PDE10A: variants seen among roughly 807,000 people sequenced by gnomAD.
PDE10A encodes cAMP and cAMP-inhibited cGMP 3',5'-cyclic phosphodiesterase 10A.
PDE10A carries 39 observed loss-of-function variants against 97.7 expected under a neutral mutation model. That is an observed-to-expected ratio of 0.40 (90% CI 0.31 to 0.52). The LOEUF is 0.52. Ranked by LOEUF, PDE10A falls within the 20% of genes least tolerant of loss-of-function variation. The pLI, the probability that PDE10A is intolerant of heterozygous loss-of-function variation, is 0.56. For missense variants in PDE10A, 731 were observed against 1,047.8 expected (o/e 0.70, Z 4.17); for synonymous variants, 371 against 376.8 (o/e 0.98, Z 0.18).
chr6:165,417,473 A>G (rs970560726), intron 11 of PDE10A, among the ~76,000 whole-genome samples: 2 of 152,196 alleles, frequency 1.3e-5, no homozygotes, highest in Non-Finnish European at 2.9e-5. Flanking sequence ...ACAGTAAATC[A>G]CACTCTGTTT....
intron 1 of PDE10A, among the ~76,000 whole-genome samples, chr6:165,708,096 G>A (rs1171314660): frequency 6.6e-6 from 1 of 152,176 alleles, no homozygotes; most frequent in Non-Finnish European, 1.5e-5. Flanking sequence ...CTTTCTGGAA[G>A]AACTGTCTGC....
intron 1 of PDE10A, among the ~76,000 whole-genome samples, chr6:165,857,697 CCG>C (rs1491314014): frequency 9.9e-6 from 1 of 101,166 alleles, no homozygotes; most frequent in Non-Finnish European, 2.0e-5. Flanking sequence ...TTCAACAGTT[CCG>C]TGTGTGTGTG....
In PDE10A at chr6:165,498,466, A is replaced by G. The variant is rs867868002; in HGVS notation, c.995-16123T>C. Among the ~76,000 whole-genome samples, 832 of 128,980 alleles carry G rather than the reference A, an allele frequency of 6.5e-3. 14 individuals are homozygous for G. Among genetic ancestry groups the G allele is most frequent in the African/African-American group, 0.023 (794 of 34,720 alleles). 84.6% of individuals were successfully genotyped at this position (128,980 alleles called of 152,430 possible). A position where few individuals can be genotyped will look rare whatever the true frequency, so the allele number is the denominator to read the frequency against. Reference sequence around the variant, plus strand: ...AAAAAAAAAAAAAAAAAAAAAAAAAATCAGTAACAGAGTAAGAGTTTAGCA... The same window carrying G: ...AAAAAAAAAAAAAAAAAAAAAAAAAGTCAGTAACAGAGTAAGAGTTTAGCA... On this transcript the variant is annotated intron_variant, in intron 2 of 21. Coordinates refer to ENST00000539869, the MANE Select transcript of PDE10A (RefSeq NM_001385079.1).
At chr6:165,808,540 A>G (rs879755600) in intron 1 of PDE10A, among the ~76,000 whole-genome samples, 1 of 152,104 alleles carries the variant, frequency 6.6e-6, no homozygotes, top group African/African-American at 2.4e-5. Flanking sequence ...GTTAGATGAG[A>G]TGATCTCTCA....
intron 5 of PDE10A, among the ~76,000 whole-genome samples, chr6:165,446,628 TCA>T (rs1790867174): frequency 6.6e-6 from 1 of 152,114 alleles, no homozygotes; most frequent in South Asian, 2.1e-4. Context: ...ACCACTCAAA[TCA>T]CAGATAAACA....
In PDE10A at chr6:165,431,489, A is replaced by C. The variant is rs779434909; in HGVS notation, c.1492-17T>G. The C allele has an allele frequency of 2.7e-6, 4 of 1,480,988 alleles. No individual in the cohort carries two copies. Among genetic ancestry groups the C allele is most frequent in the Non-Finnish European group, 3.7e-6 (4 of 1,068,714 alleles). 91.7% of individuals were successfully genotyped at this position (1,480,988 alleles called of 1,614,324 possible). On this transcript the variant is annotated splice_polypyrimidine_tract_variant and intron_variant, in intron 7 of 21. Coordinates refer to ENST00000539869, the MANE Select transcript of PDE10A (RefSeq NM_001385079.1). Reference sequence around the variant, plus strand: ...TGTTGCAACCTAAAAAAAACAAGAAATACATACCTATAAGTAATAATACAT... The same window carrying C: ...TGTTGCAACCTAAAAAAAACAAGAACTACATACCTATAAGTAATAATACAT...
chr6:165,399,085 C>A lies in PDE10A; in HGVS notation c.2077-2626G>T, dbSNP rs561703034. On this transcript the variant is annotated intron_variant, in intron 13 of 21. Coordinates refer to ENST00000539869, the MANE Select transcript of PDE10A (RefSeq NM_001385079.1). ...GATTATTACTAGAAATAAAGAAAAT[C>A]ATTTCAAATAACAAAAGGGTCAGGT... Among the ~76,000 whole-genome samples, 26 of 152,230 alleles carry A rather than the reference C, an allele frequency of 1.7e-4. No homozygotes were observed. The South Asian group carries it at 4.1e-3, about 24-fold the overall frequency.
intron 2 of PDE10A, among the ~76,000 whole-genome samples, chr6:165,524,372 T>A (rs1454126885): frequency 6.6e-6 from 1 of 152,088 alleles, no homozygotes; most frequent in Non-Finnish European, 1.5e-5. Flanking sequence ...ACGCTAAGGA[T>A]TCTACTTCTA....
chr6:165,684,350 G>A (rs1791057856), intron 1 of PDE10A, among the ~76,000 whole-genome samples: 1 of 152,216 alleles, frequency 6.6e-6, no homozygotes, highest in African/African-American at 2.4e-5. Flanking sequence ...CTGTGGATGG[G>A]CACCATTCCA....
chr6:165,810,301 T>C (rs577873465), intron 1 of PDE10A, among the ~76,000 whole-genome samples: 5 of 152,276 alleles, frequency 3.3e-5, no homozygotes, highest in Admixed American at 6.5e-5. Context: ...TAGAATCCGA[T>C]CTGTTGAATG....
chr6:165,505,334 A>G (rs891621958), intron 2 of PDE10A, among the ~76,000 whole-genome samples: 1 of 152,222 alleles, frequency 6.6e-6, no homozygotes, highest in African/African-American at 2.4e-5. Flanking sequence ...AAATATATTT[A>G]CAAATTGTTT....
chr6:165,519,042 T>C (rs552099420), intron 2 of PDE10A, among the ~76,000 whole-genome samples: 41 of 152,306 alleles, frequency 2.7e-4, no homozygotes, highest in Middle Eastern at 3.4e-3. Context: ...GGTGAGACAA[T>C]GTTAGTACAT....
At chr6:165,481,462 G>A (rs1779603551) in intron 3 of PDE10A, among the ~76,000 whole-genome samples, 1 of 151,928 alleles carries the variant, frequency 6.6e-6, no homozygotes. Context: ...TCTTTCTTCA[G>A]ATGATCAAAA....
chr6:165,461,444 C>T (rs972348623), intron 3 of PDE10A, among the ~76,000 whole-genome samples: 4 of 152,138 alleles, frequency 2.6e-5, no homozygotes, highest in South Asian at 2.1e-4. Flanking sequence ...GTTTTCCAGA[C>T]GCCCTATACT....
chr6:165,969,113 G>A (rs185240646), intron 1 of PDE10A, among the ~76,000 whole-genome samples: 10 of 152,340 alleles, frequency 6.6e-5, no homozygotes, highest in Admixed American at 6.5e-4. Context: ...AAGATATGAG[G>A]TATAACGTTT....
At chr6:165,658,036 T>C (rs1790053033) in intron 1 of PDE10A, among the ~76,000 whole-genome samples, 1 of 152,216 alleles carries the variant, frequency 6.6e-6, no homozygotes, top group Non-Finnish European at 1.5e-5. Flanking sequence ...TATCTGTGAG[T>C]TAGCTGTTGG....
intron 1 of PDE10A, among the ~76,000 whole-genome samples, chr6:165,776,851 T>C (rs1320404420): frequency 6.6e-6 from 1 of 152,194 alleles, no homozygotes; most frequent in Non-Finnish European, 1.5e-5. Context: ...CCAGGGAGGC[T>C]GAAACCGTTG....
intron 1 of PDE10A, among the ~76,000 whole-genome samples, chr6:165,902,890 A>C (rs1014441055): frequency 1.3e-5 from 2 of 152,358 alleles, no homozygotes; most frequent in Middle Eastern, 3.4e-3. Context: ...AAAGCTGCCC[A>C]GACCAGGAAC....
chr6:165,549,695 A>T (rs1326124112), intron 1 of PDE10A, among the ~76,000 whole-genome samples: 1 of 152,220 alleles, frequency 6.6e-6, no homozygotes, highest in Non-Finnish European at 1.5e-5. Flanking sequence ...AATGCAAATT[A>T]GGTTCATTTC....
Sources: gnomAD v4.1 joint callset for allele counts (sites outside exome capture counted in the v4.1 genomes callset) on GRCh38, gnomAD v4.1.1 for gene constraint, MANE v1.5 for transcripts, NCBI Gene and HGNC (gene_info 2026-07-23, HGNC 2026-07-21) for gene names.